DPH6: variants seen among roughly 807,000 people sequenced by gnomAD.
DPH6 encodes the protein diphthine--ammonia ligase.
Under a neutral mutation model 38.2 loss-of-function variants are expected in DPH6, and 33 were observed. The ratio of observed to expected loss-of-function variants is 0.86; its 90% CI spans 0.65 to 1.15. The LOEUF is 1.15. Among genes scored for constraint, DPH6 ranks in the 50% most tolerant of loss-of-function variants. The pLI is 0.00. For missense variants in DPH6, 325 were observed against 320.0 expected (o/e 1.02, Z -0.12); for synonymous variants, 108 against 103.0 (o/e 1.05, Z -0.30).
the DPH6 span, among the ~76,000 whole-genome samples, chr15:35,200,946 A>G: frequency 6.0e-5 from 9 of 150,318 alleles, no homozygotes; most frequent in Non-Finnish European, 1.3e-4. Flanking sequence ...TATAAAAAAG[A>G]AAACTAAAAT....
chr15:35,390,917 T>C (rs2053046622), intron 6 of DPH6, among the ~76,000 whole-genome samples: 1 of 152,208 alleles, frequency 6.6e-6, no homozygotes, highest in South Asian at 2.1e-4. Flanking sequence ...GGAGAGGCAC[T>C]CTGATTTTTA....
chr15:35,425,626 T>TA (rs1275485369), intron 5 of DPH6, among the ~76,000 whole-genome samples: 7 of 150,280 alleles, frequency 4.7e-5, no homozygotes, highest in Non-Finnish European at 1.0e-4. Context: ...TATACATATC[T>TA]AATGTACATA....
intron 3 of DPH6, among the ~76,000 whole-genome samples, chr15:35,334,224 C>T (rs974016869): frequency 6.6e-6 from 1 of 151,918 alleles, no homozygotes; most frequent in African/African-American, 2.4e-5. Flanking sequence ...CTAAAGATAC[C>T]TTAAAGATCA....
intron 3 of DPH6, among the ~76,000 whole-genome samples, chr15:35,274,438 T>A (rs573234144): frequency 6.6e-6 from 1 of 152,124 alleles, no homozygotes; most frequent in South Asian, 2.1e-4. Flanking sequence ...CAAAAGAAAC[T>A]ATCATCAGAG....
intron 1 of DPH6, 148 bp from the exon 2 acceptor site, chr15:35,542,655 T>G: frequency 1.4e-6 from 1 of 740,140 alleles, no homozygotes; most frequent in African/African-American, 1.7e-5. Flanking sequence ...TTCTAAATCA[T>G]AAACAAACTG....
chr15:35,304,671 G>A (rs2052076048), intron 3 of DPH6, among the ~76,000 whole-genome samples: 1 of 151,844 alleles, frequency 6.6e-6, no homozygotes, highest in South Asian at 2.1e-4. Flanking sequence ...TACTCCTGAT[G>A]TTCCAGTAAG....
At chr15:35,263,839 G>A (rs547939513) in intron 3 of DPH6, among the ~76,000 whole-genome samples, 3 of 152,136 alleles carry the variant, frequency 2.0e-5, no homozygotes, top group East Asian at 3.9e-4. Flanking sequence ...AGCCTCCTGA[G>A]TAGCTGGGAC....
At chr15:35,191,276 C>A in the DPH6 span, among the ~76,000 whole-genome samples, 1 of 152,158 alleles carries the variant, frequency 6.6e-6, no homozygotes, top group Non-Finnish European at 1.5e-5. Flanking sequence ...CTCCCTGAGA[C>A]AATAGTCTTA....
the DPH6 span, among the ~76,000 whole-genome samples, chr15:35,202,948 G>A: frequency 6.6e-6 from 1 of 151,854 alleles, no homozygotes; most frequent in African/African-American, 2.4e-5. Flanking sequence ...GCACTTCAGT[G>A]AGAAAGATGG....
intron 3 of DPH6, among the ~76,000 whole-genome samples, chr15:35,323,529 T>C (rs1294543998): frequency 6.6e-6 from 1 of 152,182 alleles, no homozygotes; most frequent in African/African-American, 2.4e-5. Context: ...GTCAGTAGCT[T>C]TCCAAAACAG....
intron 3 of DPH6, chr15:35,299,471 C>T (rs2052039304): frequency 2.6e-6 from 2 of 763,068 alleles, no homozygotes; most frequent in South Asian, 2.7e-5. Flanking sequence ...GGCCCGCCCG[C>T]CGACTCTGCC....
At chr15:35,384,103 C>G (rs771434280) in intron 6 of DPH6, among the ~76,000 whole-genome samples, 6 of 152,150 alleles carry the variant, frequency 3.9e-5, no homozygotes, top group African/African-American at 1.4e-4. Flanking sequence ...AACTTTATTC[C>G]TAACCCATCT....
chr15:35,469,857 C>G (rs977585124), intron 3 of DPH6, among the ~76,000 whole-genome samples: 1 of 151,890 alleles, frequency 6.6e-6, no homozygotes, highest in Non-Finnish European at 1.5e-5. Context: ...AATGAAGCCC[C>G]GAGAACATAC....
intron 3 of DPH6, among the ~76,000 whole-genome samples, chr15:35,306,573 A>G (rs902539036): frequency 6.6e-6 from 1 of 152,146 alleles, no homozygotes; most frequent in Admixed American, 6.5e-5. Flanking sequence ...TTCTAAACCT[A>G]TTGCCTTAAC....
chr15:35,525,030 C>T (rs2054977915), intron 3 of DPH6, among the ~76,000 whole-genome samples: 2 of 152,050 alleles, frequency 1.3e-5, no homozygotes, highest in South Asian at 4.2e-4. Context: ...GGACAGGGCA[C>T]CATGATGAGC....
chr15:35,146,444 T>A, the DPH6 span, among the ~76,000 whole-genome samples: 1 of 152,180 alleles, frequency 6.6e-6, no homozygotes, highest in Admixed American at 6.5e-5. Flanking sequence ...CTCCTTCTTA[T>A]AAATACTAGC....
At chr15:35,303,401 T>C (rs1391889209) in intron 3 of DPH6, among the ~76,000 whole-genome samples, 1 of 151,972 alleles carries the variant, frequency 6.6e-6, no homozygotes, top group African/African-American at 2.4e-5. Flanking sequence ...ATTTAATTTC[T>C]TACCAATAGA....
intron 5 of DPH6, among the ~76,000 whole-genome samples, chr15:35,436,520 A>AAAAAAAAAAAAAAAG (rs2053716563): frequency 6.8e-6 from 1 of 146,554 alleles, no homozygotes; most frequent in African/African-American, 2.5e-5. Flanking sequence ...AAAACAAAAA[A>AAAAAAAAAAAAAAAG]GGTTCTCTCC....
intron 3 of DPH6, among the ~76,000 whole-genome samples, chr15:35,238,383 T>C (rs2051572753): frequency 6.6e-6 from 1 of 152,214 alleles, no homozygotes; most frequent in East Asian, 1.9e-4. Context: ...TCTTCCTCAC[T>C]ACTGGGCAAT....
Sources: allele counts gnomAD v4.1 joint callset (sites outside exome capture counted in the v4.1 genomes callset), GRCh38; gene constraint gnomAD v4.1.1; transcripts MANE v1.5; gene names NCBI Gene and HGNC (gene_info 2026-07-23, HGNC 2026-07-21).